Variants in CACNA2D2 observed in about 807,000 individuals in gnomAD.
The protein encoded by CACNA2D2 is voltage-dependent calcium channel subunit alpha-2/delta-2.
Under a neutral mutation model 166.4 loss-of-function variants are expected in CACNA2D2, and 48 were observed. The ratio of observed to expected loss-of-function variants is 0.29; its 90% CI spans 0.23 to 0.37. The LOEUF is 0.37. CACNA2D2 is among the 10% of genes least tolerant of loss of function. CACNA2D2 has a pLI of 1.00. For synonymous variants in CACNA2D2, 561 were observed against 573.7 expected, an observed-to-expected ratio of 0.98 and a Z score of 0.32; for missense variants, 1,122 against 1,433.0, an observed-to-expected ratio of 0.78 and a Z score of 3.50.
rs540497891 is a variant in CACNA2D2, at chr3:50,427,460, C to G, written c.405+6853G>C. On this transcript the variant is annotated intron_variant, in intron 3 of 37. Transcript: ENST00000424201. This position sits in a 1 kb window ranked among gnomAD's most constrained non-coding sequence, Gnocchi z 4.7. ...CGCCGCAATCAGGGAGAAAAGGCTG[C>G]TTGGGCGCTTGGCGCCCACGCGTGC... is the stretch of plus-strand genomic sequence containing the variant. Among the ~76,000 whole-genome samples the G allele has an allele frequency of 6.6e-6, 1 of 152,390 alleles. No homozygotes were observed. The highest frequency in any genetic ancestry group is 1.9e-4 in the East Asian group (1 of 5,184).
intron 2 of CACNA2D2, among the ~76,000 whole-genome samples, chr3:50,441,530 C>T (rs1708599727): frequency 6.6e-6 from 1 of 152,270 alleles, no homozygotes; most frequent in African/African-American, 2.4e-5. Flanking sequence ...AAGGGCCAGT[C>T]TGTGCCAACC....
At chr3:50,496,870 G>T (rs907493502) in intron 1 of CACNA2D2, among the ~76,000 whole-genome samples, 1 of 152,200 alleles carries the variant, frequency 6.6e-6, no homozygotes, top group Non-Finnish European at 1.5e-5. Flanking sequence ...GGCATCAAAG[G>T]GGAAGAAAGG....
intron 2 of CACNA2D2, among the ~76,000 whole-genome samples, chr3:50,462,470 T>G (rs1298278021): frequency 1.3e-5 from 2 of 151,498 alleles, no homozygotes; most frequent in African/African-American, 2.4e-5. Flanking sequence ...GAGACAGTTT[T>G]TACTGGTAGG....
intron 2 of CACNA2D2, among the ~76,000 whole-genome samples, chr3:50,471,565 G>C (rs1490882932): frequency 1.3e-5 from 2 of 152,204 alleles, no homozygotes; most frequent in Non-Finnish European, 2.9e-5. Flanking sequence ...ACCCTCCCTA[G>C]ATGGTAACAG....
At chr3:50,373,106 A>C in intron 22 of CACNA2D2, 1 of 1,534,606 alleles carries the variant, frequency 6.5e-7, no homozygotes, top group Non-Finnish European at 8.7e-7. Flanking sequence ...CCACCAAGAG[A>C]GAAAGCGAGG....
At chr3:50,449,204 G>A (rs1321968208) in intron 2 of CACNA2D2, among the ~76,000 whole-genome samples, 2 of 152,318 alleles carry the variant, frequency 1.3e-5, no homozygotes, top group African/African-American at 4.8e-5. Context: ...CCTCATTGAG[G>A]GGCTCAGCCT....
In CACNA2D2 at chr3:50,377,458, G is replaced by A. The variant is rs775564233; in HGVS notation, c.1626+9C>T. 7 of 1,609,980 alleles carry A rather than the reference G, an allele frequency of 4.3e-6. No individual in the cohort carries two copies. The highest frequency in any genetic ancestry group is 2.7e-5 in the African/African-American group (2 of 74,996). ...GGCAGGGTACGCGGATGGGCAGGGG[G>A]ATGCTCACCGTGTAGTTGGGGGTCA... is the stretch of plus-strand genomic sequence containing the variant. On this transcript the variant is annotated intron_variant, in intron 17 of 37. Transcript: ENST00000424201.
chr3:50,420,284 C>T (rs1707486387), intron 3 of CACNA2D2, among the ~76,000 whole-genome samples: 1 of 152,222 alleles, frequency 6.6e-6, no homozygotes, highest in Non-Finnish European at 1.5e-5. Context: ...CCCAGCTGCC[C>T]CTGCCCGGCT....
intron 16 of CACNA2D2, 69 bp from the exon 17 acceptor site, chr3:50,377,610 T>C: frequency 6.3e-7 from 1 of 1,575,120 alleles, no homozygotes; most frequent in Non-Finnish European, 8.7e-7. Flanking sequence ...CCACAAGGCC[T>C]CAAGCTGCTC....
intron 2 of CACNA2D2, among the ~76,000 whole-genome samples, chr3:50,451,578 C>T (rs545207257): frequency 6.6e-6 from 1 of 152,210 alleles, no homozygotes; most frequent in Non-Finnish European, 1.5e-5. Context: ...GCATGCCCCT[C>T]CACTATTTTC....
chr3:50,436,447 GCCTGGCATGGTAA>G (rs1708323714), intron 2 of CACNA2D2, among the ~76,000 whole-genome samples: 1 of 152,170 alleles, frequency 6.6e-6, no homozygotes, highest in African/African-American at 2.4e-5. Flanking sequence ...GCCCCTTGCA[GCCTGGCATGGTAA>G]CTGTGCTGGG....
chr3:50,365,479 G>C lies in CACNA2D2; in HGVS notation c.2975C>G (p.Pro992Arg). 1 of 1,613,126 alleles carries C rather than the reference G, an allele frequency of 6.2e-7. No homozygotes were observed. The highest frequency in any genetic ancestry group is 1.1e-5 in the South Asian group (1 of 91,048). ...LIYHSWFQAD[P>R]AEAEGSPETR... Reference sequence around the variant, plus strand: ...CTCGGGGCTCCCCTCGGCCTCCGCGGGGTCTGCGAGGGCCCAGAGCGCCTC... The same window carrying C: ...CTCGGGGCTCCCCTCGGCCTCCGCGCGGTCTGCGAGGGCCCAGAGCGCCTC... The change falls in exon 35 of 38, where the codon CCC (proline) becomes CGC (arginine). Residue 992 changes from proline (P) to arginine (R), a missense_variant. Around this residue, in one of 2 missense-constraint regions of CACNA2D2, gnomAD observed 282 missense variants for 266.2 expected, o/e 1.06. Transcript: ENST00000424201. This position sits in a 1 kb window ranked among gnomAD's most constrained non-coding sequence, Gnocchi z 4.5.
At chr3:50,481,885 A>G (rs111499432) in intron 1 of CACNA2D2, among the ~76,000 whole-genome samples, 1 of 152,200 alleles carries the variant, frequency 6.6e-6, no homozygotes, top group African/African-American at 2.4e-5. Context: ...AGTCCCAGCT[A>G]CCCGGGAGGC....
intron 2 of CACNA2D2, among the ~76,000 whole-genome samples, chr3:50,461,857 T>C (rs989541623): frequency 1.3e-5 from 2 of 150,986 alleles, no homozygotes; most frequent in African/African-American, 4.9e-5. Flanking sequence ...ATGGGATCCA[T>C]GAAAGAGGGG....
intron 3 of CACNA2D2, among the ~76,000 whole-genome samples, chr3:50,408,564 C>CAAT (rs747867002): frequency 3.3e-5 from 5 of 152,242 alleles, no homozygotes; most frequent in Non-Finnish European, 5.9e-5. Flanking sequence ...CCTGCTGCTG[C>CAAT]AATCAGCCTC....
At chr3:50,501,128 G>A (rs1018377805) in intron 1 of CACNA2D2, among the ~76,000 whole-genome samples, 2 of 152,156 alleles carry the variant, frequency 1.3e-5, no homozygotes, top group African/African-American at 4.8e-5. Context: ...GGTTCTGGGA[G>A]GTCACCCATC....
intron 3 of CACNA2D2, among the ~76,000 whole-genome samples, chr3:50,434,028 G>A (rs557811460): frequency 1.3e-5 from 2 of 152,268 alleles, no homozygotes; most frequent in Admixed American, 1.3e-4. Context: ...AAAACCCCAG[G>A]CCCGGAAGGA....
chr3:50,364,490 C>T lies in CACNA2D2; in HGVS notation c.*176G>A. 2 of 717,148 alleles carry T rather than the reference C, an allele frequency of 2.8e-6. No individual in the cohort carries two copies. Among genetic ancestry groups the T allele is most frequent in the Non-Finnish European group, 4.4e-6 (2 of 449,746 alleles). The allele number at this position is 717,148 out of a possible 1,614,324, so 44.4% of individuals were successfully genotyped here. A position where few individuals can be genotyped will look rare whatever the true frequency, so the allele number is the denominator to read the frequency against. ...TGATTTGGGTGCCAAACACCTGCGG[C>T]GTCCCGCTTTGGGACTCCCCATCCC... On this transcript the variant is annotated 3_prime_UTR_variant, in exon 38 of 38. Transcript: ENST00000424201.
At chr3:50,503,128 C>T (rs1415734623) in intron 1 of CACNA2D2, 90 bp downstream of exon 1, 5 of 729,082 alleles carry the variant, frequency 6.9e-6, no homozygotes, top group African/African-American at 5.7e-5. Flanking sequence ...TCTGCCCTGG[C>T]GCGGAGCGCA....
Sources: allele counts gnomAD v4.1 joint callset (sites outside exome capture counted in the v4.1 genomes callset), GRCh38; gene constraint gnomAD v4.1.1; regional missense constraint gnomAD v4.1.1; non-coding constraint Gnocchi (gnomAD v3.1); transcripts MANE v1.5; gene names NCBI Gene and HGNC (gene_info 2026-07-23, HGNC 2026-07-21).